Variants in ANKHD1 observed in about 807,000 individuals in gnomAD.
ANKHD1 encodes the protein ankyrin repeat and KH domain containing 1, also known as ankyrin repeat and KH domain-containing protein 1.
In ANKHD1, 31 loss-of-function variants were observed where a neutral mutation model predicts 230.5. The observed-to-expected ratio is 0.13, with a 90% confidence interval of 0.10 to 0.18. The LOEUF (loss-of-function observed/expected upper bound fraction) is 0.18. ANKHD1 is among the 10% of genes least tolerant of loss of function. The pLI is 1.00. For missense variants in ANKHD1, 2,256 were observed against 3,071.3 expected, an observed-to-expected ratio of 0.73 and a Z score of 6.27; for synonymous variants, 1,074 against 1,117.6, an observed-to-expected ratio of 0.96 and a Z score of 0.78.
In ANKHD1 at chr5:140,529,018, G is replaced by A. The variant is rs550621585; in HGVS notation, c.6072G>A (p.Val2024=). ...AAAAGATGGAGTCTTTCTCTGCTGT[G>A]CCACCCACCAAAGAGAAAGTGTCCA... The part of the protein sequence containing the change: ...SSQKMESFSA[V]PPTKEKVSTQ... Residue 2024 remains valine (V), a synonymous_variant, in exon 29 of 34, where the codon GTG becomes GTA. Coordinates refer to ENST00000360839, the MANE Select transcript of ANKHD1 (RefSeq NM_017747.3). 6.2e-7 allele frequency: 1 copy of A among 1,614,000 alleles called. No individual in the cohort carries two copies. The highest frequency in any genetic ancestry group is 1.1e-5 in the South Asian group (1 of 91,076).
rs751937989 is a variant in ANKHD1, at chr5:140,458,699, A to G, written c.1317A>G (p.Glu439=). 1 of 1,612,940 alleles carries G rather than the reference A, an allele frequency of 6.2e-7. No individual in the cohort carries two copies. Among genetic ancestry groups the G allele is most frequent in the Admixed American group, 1.7e-5 (1 of 59,818 alleles). ...TGAACATGCCTGCAGATTCATTTGA[A>G]TCTCCATTGACGCTAGCTGCCTGTG... The part of the protein sequence containing the change: ...AQVNMPADSF[E]SPLTLAACGG... The change falls in exon 8 of 34, where the codon GAA becomes GAG. Residue 439 remains glutamate, a synonymous_variant. Transcript: ENST00000360839.
chr5:140,465,645 C>T (rs144824247), intron 10 of ANKHD1, among the ~76,000 whole-genome samples: 67 of 152,228 alleles, frequency 4.4e-4, no homozygotes, highest in African/African-American at 1.6e-3. Flanking sequence ...TTAAATCATC[C>T]AAGTAGATAC....
rs747806708 is a variant in ANKHD1 at position 140,528,915 on chromosome 5, C to T, written c.5969C>T (p.Ser1990Phe). Residue 1990 changes from serine (S) to phenylalanine (F), a missense_variant, in exon 29 of 34, where the codon TCC becomes TTC. Around this residue, in one of 13 missense-constraint regions of ANKHD1, gnomAD observed 778 missense variants for 966.5 expected, o/e 0.80. Coordinates refer to ENST00000360839, the MANE Select transcript of ANKHD1 (RefSeq NM_017747.3). ...ACTTGTAGTTCCCTGCCTTCTGTCT[C>T]CTCTGCACCTATCACTAGCGGGCAA... ...TSTCSSLPSV[S>F]SAPITSGQAP... 7.4e-6 allele frequency: 12 copies of T among 1,614,098 alleles called. No homozygotes were observed. The East Asian group carries it at 1.1e-4, about 15-fold the overall frequency.
intron 7 of ANKHD1, among the ~76,000 whole-genome samples, chr5:140,454,107 A>T (rs556814916): frequency 1.8e-4 from 27 of 152,316 alleles, no homozygotes; most frequent in Admixed American, 1.6e-3. Context: ...AAAGATCAAA[A>T]GAGACAAGGC....
intron 10 of ANKHD1, chr5:140,472,296 G>A (rs766354154): frequency 2.5e-6 from 4 of 1,613,668 alleles, no homozygotes; most frequent in Non-Finnish European, 3.4e-6. Flanking sequence ...CAAGCATCAG[G>A]TGAGGGTGGC....
At chr5:140,420,284 C>A (rs1244309939) in intron 1 of ANKHD1, among the ~76,000 whole-genome samples, 4 of 151,830 alleles carry the variant, frequency 2.6e-5, no homozygotes, top group Non-Finnish European at 5.9e-5. Flanking sequence ...GCCACCATAC[C>A]CAGTCTTGTC....
intron 10 of ANKHD1, among the ~76,000 whole-genome samples, chr5:140,472,770 C>G (rs1354952609): frequency 6.6e-6 from 1 of 152,058 alleles, no homozygotes; most frequent in African/African-American, 2.4e-5. Flanking sequence ...TTTCTATAAA[C>G]TAGAAGTTTA....
chr5:140,518,397 C>T, intron 24 of ANKHD1, among the ~76,000 whole-genome samples: 1 of 151,808 alleles, frequency 6.6e-6, no homozygotes, highest in African/African-American at 2.4e-5. Flanking sequence ...GAAACTATTC[C>T]AATCAATAGA....
At chr5:140,512,468 C>T (rs1752813579) in intron 22 of ANKHD1, among the ~76,000 whole-genome samples, 1 of 152,112 alleles carries the variant, frequency 6.6e-6, no homozygotes, top group South Asian at 2.1e-4. Flanking sequence ...TTTACATCAC[C>T]AATGTTTGTT....
intron 10 of ANKHD1, among the ~76,000 whole-genome samples, chr5:140,465,923 A>G (rs1487978493): frequency 6.6e-6 from 1 of 152,184 alleles, no homozygotes; most frequent in Non-Finnish European, 1.5e-5. Context: ...AGTCGTCTAT[A>G]AAAATTAGGA....
At chr5:140,429,180 A>G (rs1478056582) in intron 1 of ANKHD1, among the ~76,000 whole-genome samples, 3 of 132,920 alleles carry the variant, frequency 2.3e-5, no homozygotes, top group Admixed American at 8.1e-5. Flanking sequence ...TCTAACCTCC[A>G]CCTCCCAGGT....
intron 10 of ANKHD1, chr5:140,472,185 T>C: frequency 6.5e-7 from 1 of 1,539,624 alleles, no homozygotes; most frequent in Non-Finnish European, 9.0e-7. Flanking sequence ...CATGGCCAAA[T>C]GTGATTTTCG....
At chr5:140,452,864 T>C (rs938157849) in intron 7 of ANKHD1, among the ~76,000 whole-genome samples, 1 of 152,144 alleles carries the variant, frequency 6.6e-6, no homozygotes, top group African/African-American at 2.4e-5. Flanking sequence ...CAAAGCTGGA[T>C]GGAGAATGAC....
At chr5:140,474,786 C>CA (rs1448530449) in intron 10 of ANKHD1, among the ~76,000 whole-genome samples, 1 of 151,622 alleles carries the variant, frequency 6.6e-6, no homozygotes, top group Non-Finnish European at 1.5e-5. Flanking sequence ...TTTTCAGAGA[C>CA]AAAGTCTTGC....
At chr5:140,518,166 G>A (rs1279189234) in intron 24 of ANKHD1, among the ~76,000 whole-genome samples, 3 of 152,184 alleles carry the variant, frequency 2.0e-5, no homozygotes, top group East Asian at 3.9e-4. Flanking sequence ...ACACCTCTAC[G>A]CAAATAAACT....
At chr5:140,531,797 C>G (rs999063432) in intron 29 of ANKHD1, among the ~76,000 whole-genome samples, 1 of 152,100 alleles carries the variant, frequency 6.6e-6, no homozygotes, top group Non-Finnish European at 1.5e-5. Context: ...CACCAATGTT[C>G]ATAGCAACAT....
At chr5:140,451,993 T>G (rs1008934478) in intron 7 of ANKHD1, among the ~76,000 whole-genome samples, 1 of 152,186 alleles carries the variant, frequency 6.6e-6, no homozygotes. Context: ...AGCTCCAGTC[T>G]ACAGCTCCCA....
At chr5:140,476,466 C>T (rs1003556712) in intron 10 of ANKHD1, among the ~76,000 whole-genome samples, 7 of 151,836 alleles carry the variant, frequency 4.6e-5, no homozygotes, top group African/African-American at 1.5e-4. Flanking sequence ...AGGAAAAAAA[C>T]GCATTACCTA....
At chr5:140,458,259 G>A (rs933053559) in intron 7 of ANKHD1, among the ~76,000 whole-genome samples, 68 of 152,244 alleles carry the variant, frequency 4.5e-4, no homozygotes, top group South Asian at 1.2e-3. Flanking sequence ...TGACCTGGCA[G>A]TAGTATAATC....
Sources: allele counts gnomAD v4.1 joint callset (sites outside exome capture counted in the v4.1 genomes callset), GRCh38; gene constraint gnomAD v4.1.1; regional missense constraint gnomAD v4.1.1; transcripts MANE v1.5; gene names NCBI Gene and HGNC (gene_info 2026-07-23, HGNC 2026-07-21).